KCNG3: variants seen among roughly 807,000 people sequenced by gnomAD.
KCNG3 encodes the protein potassium voltage-gated channel modifier subfamily G member 3, also known as voltage-gated potassium channel regulatory subunit KCNG3.
Under a neutral mutation model 29.0 loss-of-function variants are expected in KCNG3, and 15 were observed. That is an observed-to-expected ratio of 0.52 (90% CI 0.35 to 0.80). The LOEUF is 0.80. KCNG3 is among the 30% of genes least tolerant of loss of function. KCNG3 has a pLI of 0.01. For missense variants in KCNG3, 512 were observed against 605.7 expected (o/e 0.85, Z 1.62); for synonymous variants, 322 against 248.9 (o/e 1.29, Z -2.76).
intron 1 of KCNG3, among the ~76,000 whole-genome samples, chr2:42,452,997 G>T (rs960195205): frequency 1.3e-5 from 2 of 152,174 alleles, no homozygotes; most frequent in Non-Finnish European, 2.9e-5. Context: ...GGCCAAGCTG[G>T]TCTCGAACTC....
the KCNG3 span, among the ~76,000 whole-genome samples, chr2:42,391,593 C>CT: frequency 1.5e-5 from 2 of 131,444 alleles, no homozygotes; most frequent in Non-Finnish European, 1.6e-5. Flanking sequence ...CATTTTATAT[C>CT]TCTTTTTTTT....
chr2:42,460,561 A>C (rs1672989661), intron 1 of KCNG3, among the ~76,000 whole-genome samples: 2 of 152,200 alleles, frequency 1.3e-5, no homozygotes, highest in Non-Finnish European at 2.9e-5. Flanking sequence ...GAAGAAGATA[A>C]GTTTTTCTTC....
Position 42,445,353 on chromosome 2 carries a change from G to A in KCNG3, c.666-774C>T, listed in dbSNP as rs138610854. Among the ~76,000 whole-genome samples, 30 of 152,188 alleles carry A rather than the reference G, an allele frequency of 2.0e-4. 2 individuals are homozygous for A. In the East Asian group the frequency reaches 5.6e-3, roughly 29 times the overall value. ...AAGTTTTTTGATGGGCTATTTCTTG[G>A]TAACTTACAGTCAATGCAAGATCAT... On this transcript the variant is annotated intron_variant, in intron 1 of 1. Coordinates refer to ENST00000306078, the MANE Select transcript of KCNG3 (RefSeq NM_133329.6).
At chr2:42,433,139 T>C in the KCNG3 span, among the ~76,000 whole-genome samples, 1 of 152,092 alleles carries the variant, frequency 6.6e-6, no homozygotes, top group South Asian at 2.1e-4. Flanking sequence ...AAGTTCTAAC[T>C]GGGGCAATTA....
At chr2:42,447,618 C>T (rs555282668) in intron 1 of KCNG3, among the ~76,000 whole-genome samples, 5 of 152,128 alleles carry the variant, frequency 3.3e-5, no homozygotes, top group South Asian at 4.2e-4. Flanking sequence ...CAGGCTCAAG[C>T]GATCCTCCCA....
At chr2:42,447,967 C>T (rs934659050) in intron 1 of KCNG3, among the ~76,000 whole-genome samples, 5 of 152,198 alleles carry the variant, frequency 3.3e-5, no homozygotes, top group Admixed American at 1.3e-4. Context: ...GCTACCCCTA[C>T]AGAGGTTGTA....
At chr2:42,492,693 T>C (rs1238535125) in intron 1 of KCNG3, 144 bp downstream of exon 1, 2 of 644,654 alleles carry the variant, frequency 3.1e-6, no homozygotes, top group East Asian at 3.5e-5. Context: ...ACCGGTCCCG[T>C]AGTTGGCCGC....
At chr2:42,475,486 AC>A (rs1286099695) in intron 1 of KCNG3, among the ~76,000 whole-genome samples, 1 of 151,532 alleles carries the variant, frequency 6.6e-6, no homozygotes, top group African/African-American at 2.4e-5. Context: ...ACATCATTAC[AC>A]CTGGCTAATT....
the KCNG3 span, among the ~76,000 whole-genome samples, chr2:42,411,258 T>C: frequency 6.6e-6 from 1 of 152,230 alleles, no homozygotes; most frequent in African/African-American, 2.4e-5. Context: ...ATTCTTGCCA[T>C]TCTTGTTTAT....
At chr2:42,426,066 A>C in the KCNG3 span, among the ~76,000 whole-genome samples, 1 of 152,194 alleles carries the variant, frequency 6.6e-6, no homozygotes. Flanking sequence ...ACTTATAACA[A>C]AGTTAATTTT....
intron 1 of KCNG3, among the ~76,000 whole-genome samples, chr2:42,454,092 CCA>C (rs2103677972): frequency 1.4e-5 from 1 of 69,334 alleles, no homozygotes; most frequent in African/African-American, 8.9e-5. Context: ...GGCTACTATA[CCA>C]AAAAAAAAAA....
chr2:42,417,591 G>A, the KCNG3 span, among the ~76,000 whole-genome samples: 16 of 152,118 alleles, frequency 1.1e-4, no homozygotes, highest in Non-Finnish European at 8.8e-5. Flanking sequence ...TAAAGTGCTG[G>A]GACTACAGGC....
chr2:42,414,206 A>G, the KCNG3 span, among the ~76,000 whole-genome samples: 1 of 151,666 alleles, frequency 6.6e-6, no homozygotes, highest in African/African-American at 2.4e-5. Context: ...TTTTGGATTC[A>G]TTTTTCTTCT....
chr2:42,491,501 TA>T lies in KCNG3; in HGVS notation c.665+1335del, dbSNP rs948719755. Among the ~76,000 whole-genome samples the T allele has an allele frequency of 2.0e-4, 29 of 147,012 alleles. No homozygotes were observed. The East Asian group carries it at 2.7e-3, about 14-fold the overall frequency. ...AAGTCCATTTTCCTAAAGCCCTCCT[TA>T]AAAAAAAAAGGCATTTATGTATTTA... On this transcript the variant is annotated intron_variant, in intron 1 of 1. Transcript: ENST00000306078.
intron 1 of KCNG3, among the ~76,000 whole-genome samples, chr2:42,472,535 T>C (rs1328867837): frequency 6.6e-6 from 1 of 151,688 alleles, no homozygotes; most frequent in African/African-American, 2.4e-5. Context: ...GGACTCACGC[T>C]GTTACCCAGG....
the KCNG3 span, among the ~76,000 whole-genome samples, chr2:42,399,884 G>C: frequency 6.6e-6 from 1 of 152,128 alleles, no homozygotes; most frequent in Non-Finnish European, 1.5e-5. Flanking sequence ...TCCTGCCTTA[G>C]AAACTCAAGT....
chr2:42,481,513 C>T (rs188094011), intron 1 of KCNG3, among the ~76,000 whole-genome samples: 281 of 152,304 alleles, frequency 1.8e-3, no homozygotes, highest in Non-Finnish European at 3.3e-3. Flanking sequence ...CCAAAGCGAC[C>T]TTTTAAAATT....
intron 1 of KCNG3, among the ~76,000 whole-genome samples, chr2:42,485,449 A>AT (rs11427289): frequency 0.28 from 41,385 of 147,488 alleles, 6,306 homozygotes; most frequent in African/African-American, 0.4. Context: ...AGCAAAGAGC[A>AT]TTTTTTTTTT....
the KCNG3 span, among the ~76,000 whole-genome samples, chr2:42,429,819 G>A: frequency 6.6e-6 from 1 of 152,178 alleles, no homozygotes; most frequent in Non-Finnish European, 1.5e-5. Context: ...ACCTCGAGTA[G>A]AGAAGATACG....
Sources: allele counts gnomAD v4.1 joint callset (sites outside exome capture counted in the v4.1 genomes callset), GRCh38; gene constraint gnomAD v4.1.1; transcripts MANE v1.5; gene names NCBI Gene and HGNC (gene_info 2026-07-23, HGNC 2026-07-21).